ZNF75D: variants seen among roughly 807,000 people sequenced by gnomAD.
ZNF75D encodes zinc finger protein 75D, also known as zinc finger protein 75.
Under a neutral mutation model 33.3 loss-of-function variants are expected in ZNF75D, and 33 were observed. That is an observed-to-expected ratio of 0.99 (90% CI 0.75 to 1.32). The LOEUF (loss-of-function observed/expected upper bound fraction) is 1.32, where lower values mean the gene tolerates loss of function less well. Among genes scored for constraint, ZNF75D ranks in the 40% most tolerant of loss-of-function variants. ZNF75D has a pLI of 0.00. For synonymous variants in ZNF75D, 113 were observed against 130.6 expected, an observed-to-expected ratio of 0.87 and a Z score of 0.92; for missense variants, 338 against 367.5, an observed-to-expected ratio of 0.92 and a Z score of 0.66.
At chrX:135,269,168 A>T (rs2083873334) in intron 1 of ZNF75D, among the ~76,000 whole-genome samples, 2 of 112,521 alleles carry the variant, frequency 1.8e-5, no homozygotes, top group African/African-American at 3.2e-5. Flanking sequence ...CATTGGGGGA[A>T]ATCTCCAGGA....
At chrX:135,318,085 A>T (rs1178680608) in intron 1 of ZNF75D, among the ~76,000 whole-genome samples, 2 of 97,325 alleles carry the variant, frequency 2.1e-5, no homozygotes, top group African/African-American at 7.8e-5. Flanking sequence ...ATATATATAT[A>T]TATTTTTTTT....
intron 1 of ZNF75D, among the ~76,000 whole-genome samples, chrX:135,335,464 T>A (rs1275249215): frequency 9.0e-6 from 1 of 110,958 alleles, no homozygotes; most frequent in Non-Finnish European, 1.9e-5. Context: ...CTCTAGCCAA[T>A]TTAGTCTCCA....
chrX:135,272,728 G>A (rs1602587692), intron 1 of ZNF75D, among the ~76,000 whole-genome samples: 1 of 111,349 alleles, frequency 9.0e-6, no homozygotes, highest in Admixed American at 9.5e-5. Context: ...GCCAATTCAC[G>A]CTGACTTCCT....
In ZNF75D at chrX:135,287,193, G is replaced by A. The variant is rs782365684; in HGVS notation, c.1477C>T (p.Leu493Phe). The change falls in exon 7 of 7, where the codon CTT (leucine) becomes TTT (phenylalanine). Residue 493 changes from leucine to phenylalanine, a missense_variant. Physicochemically the swap from Leu to Phe is conservative, Grantham distance 22. Coordinates refer to ENST00000370766, the MANE Select transcript of ZNF75D (RefSeq NM_007131.5). ...CTTCTGTGGAGTTTCTGGTGTCTAA[G>A]AAGGCTCGATCGCCTACTAAAGTTT... ...KRNFSRRSSL[L>F]RHQKLHRRRE... is the part of the protein sequence containing the mutation. The A allele has an allele frequency of 8.3e-7, 1 of 1,211,036 alleles. No individual in the cohort carries two copies. Among genetic ancestry groups the A allele is most frequent in the Non-Finnish European group, 1.1e-6 (1 of 895,373 alleles).
At chrX:135,312,954 T>C (rs1178115350) in intron 1 of ZNF75D, among the ~76,000 whole-genome samples, 1 of 112,145 alleles carries the variant, frequency 8.9e-6, no homozygotes, top group Non-Finnish European at 1.9e-5. Flanking sequence ...GCAGGTTATC[T>C]CTCCACTCAA....
At position 135,258,188 on chromosome X, in the gene ZNF75D, T is replaced by C. The variant is rs1346614393; in HGVS notation, n.828-2411A>G. 3.3e-5 allele frequency among the ~76,000 whole-genome samples: 3 copies of C among 90,073 alleles called. 1 individual carries two copies. Among genetic ancestry groups the C allele is most frequent in the African/African-American group, 1.0e-4 (3 of 29,631 alleles). The allele number at this position is 90,073 out of a possible 115,157, so 78.2% of individuals were successfully genotyped here. A position where few individuals can be genotyped will look rare whatever the true frequency, so the allele number is the denominator to read the frequency against. ...TAGTATTCCATGGTGTATAATCCAG[T>C]CTATCATTGATGGACATTTGGACTG... On this transcript the variant is annotated intron_variant and non_coding_transcript_variant, in intron 1 of 3. Coordinates refer to the ZNF75D transcript ENST00000494295.
intron 1 of ZNF75D, among the ~76,000 whole-genome samples, chrX:135,279,232 C>T (rs1205824904): frequency 9.1e-6 from 1 of 110,285 alleles, no homozygotes; most frequent in Non-Finnish European, 1.9e-5. Flanking sequence ...TGTATGTGTC[C>T]AGCAATTTAT....
At chrX:135,288,906 G>A (rs1014142661) in intron 6 of ZNF75D, among the ~76,000 whole-genome samples, 6 of 111,927 alleles carry the variant, frequency 5.4e-5, no homozygotes, top group Admixed American at 9.5e-5. Context: ...CTATGTCTGT[G>A]CCATAAATGC....
intron 1 of ZNF75D, among the ~76,000 whole-genome samples, chrX:135,279,435 C>T (rs1339273061): frequency 8.9e-6 from 1 of 111,738 alleles, no homozygotes; most frequent in Non-Finnish European, 1.9e-5. Flanking sequence ...TTCAAAAAAA[C>T]AGCTCCTGGA....
At chrX:135,331,183 G>C (rs915762380) in intron 1 of ZNF75D, among the ~76,000 whole-genome samples, 1 of 111,241 alleles carries the variant, frequency 9.0e-6, no homozygotes, top group African/African-American at 3.3e-5. Context: ...TAAAAAATTA[G>C]AGCACAAGGC....
At chrX:135,335,158 G>C (rs1384797039) in intron 1 of ZNF75D, among the ~76,000 whole-genome samples, 1 of 111,695 alleles carries the variant, frequency 9.0e-6, no homozygotes, top group Non-Finnish European at 1.9e-5. Context: ...TAAAGAACAG[G>C]AGGGCAGAAT....
intron 1 of ZNF75D, among the ~76,000 whole-genome samples, chrX:135,303,969 C>T (rs1358883532): frequency 3.6e-5 from 4 of 112,567 alleles, no homozygotes; most frequent in African/African-American, 1.3e-4. Context: ...CCCCAGTCAC[C>T]TAACATAATG....
At chrX:135,264,772 T>G (rs1433274504) in intron 1 of ZNF75D, among the ~76,000 whole-genome samples, 1 of 110,873 alleles carries the variant, frequency 9.0e-6, no homozygotes, top group African/African-American at 3.3e-5. Flanking sequence ...AGTCTCTTAA[T>G]AGCAGAATTT....
At chrX:135,306,424 C>T (rs782222180) in intron 1 of ZNF75D, among the ~76,000 whole-genome samples, 53 of 111,510 alleles carry the variant, frequency 4.8e-4, no homozygotes, top group Non-Finnish European at 8.7e-4. Context: ...AAATGTATTT[C>T]TAGAATATCT....
chrX:135,264,085 T>C (rs982728074), intron 1 of ZNF75D, among the ~76,000 whole-genome samples: 1 of 111,812 alleles, frequency 8.9e-6, no homozygotes, highest in Admixed American at 9.5e-5. Flanking sequence ...GGGCAATTTA[T>C]GAAGAAAAGA....
At chrX:135,257,546 G>C (rs1482661520) in intron 1 of ZNF75D, among the ~76,000 whole-genome samples, 1 of 113,091 alleles carries the variant, frequency 8.8e-6, no homozygotes, top group African/African-American at 3.2e-5. Context: ...CTAATCCCTG[G>C]CTCCCAGACT....
chrX:135,269,500 C>T (rs56029117), intron 1 of ZNF75D, among the ~76,000 whole-genome samples: 22,501 of 111,504 alleles, frequency 0.2, 1,961 homozygotes, highest in Middle Eastern at 0.37. Context: ...AAAAGGTCCT[C>T]AACATCATTG....
At position 135,343,455 on chromosome X, in the gene ZNF75D, A is replaced by ACCCATGGCGAAACT. The variant is rs1303997933; in HGVS notation, c.-2092_-2079dup. 7.6e-6 allele frequency: 1 copy of ACCCATGGCGAAACT among 131,687 alleles called. No homozygotes were observed. Among genetic ancestry groups the ACCCATGGCGAAACT allele is most frequent in the Non-Finnish European group, 1.6e-5 (1 of 62,965 alleles). 10.9% of individuals were successfully genotyped at this position (131,687 alleles called of 1,213,427 possible). Reference sequence around the variant, plus strand: ...ATGGAGCGCATCTCAGGCCAAAGTCACCCATGGCGAAACTCCCATGGCGAA... The same window carrying ACCCATGGCGAAACT: ...ATGGAGCGCATCTCAGGCCAAAGTCACCCATGGCGAAACTCCCATGGCGAAACTCCCATGGCGAA... On this transcript the variant is annotated 5_prime_UTR_variant, in exon 1 of 7. In the 5' UTR this introduces an upstream ATG that the reference lacks. Transcript: ENST00000370766.
intron 1 of ZNF75D, among the ~76,000 whole-genome samples, chrX:135,329,849 A>G (rs1280822641): frequency 1.8e-5 from 2 of 112,416 alleles, no homozygotes; most frequent in African/African-American, 6.5e-5. Flanking sequence ...AAACATTTTT[A>G]TATGTTTCCT....
Sources: allele counts gnomAD v4.1 joint callset (sites outside exome capture counted in the v4.1 genomes callset), GRCh38; gene constraint gnomAD v4.1.1; transcripts MANE v1.5; gene names NCBI Gene and HGNC (gene_info 2026-07-23, HGNC 2026-07-21).